The following TENM3 variants were observed in gnomAD, a reference collection of about 807,000 sequenced individuals.
TENM3 encodes teneurin-3.
A neutral mutation model predicts 255.1 loss-of-function variants in TENM3; 63 were observed. That is an observed-to-expected ratio of 0.25 (90% CI 0.20 to 0.30). The LOEUF is 0.30. Among genes scored for constraint, TENM3 ranks in the 10% least tolerant of loss-of-function variants. The pLI is 1.00. For missense variants in TENM3, 2,929 were observed against 3,461.1 expected (o/e 0.85, Z 3.86); for synonymous variants, 1,306 against 1,322.3 (o/e 0.99, Z 0.27).
At chr4:181,519,763 G>T in the TENM3 span, among the ~76,000 whole-genome samples, 1 of 152,102 alleles carries the variant, frequency 6.6e-6, no homozygotes, top group Non-Finnish European at 1.5e-5. Context: ...TGTTCGTGGG[G>T]GCTGGGTGGA....
At chr4:181,718,167 T>C in the TENM3 span, among the ~76,000 whole-genome samples, 5 of 152,176 alleles carry the variant, frequency 3.3e-5, no homozygotes, top group Admixed American at 2.6e-4. Flanking sequence ...TAGTGAGGAG[T>C]ATAAAAGAAT....
At chr4:182,359,470 T>G (rs1167825082) in intron 3 of TENM3, among the ~76,000 whole-genome samples, 14 of 150,946 alleles carry the variant, frequency 9.3e-5, no homozygotes, top group South Asian at 2.1e-4. Flanking sequence ...GTCGAGGAAT[T>G]TATCCATTTT....
intron 3 of TENM3, among the ~76,000 whole-genome samples, chr4:182,439,879 C>A (rs1019848607): frequency 6.6e-6 from 1 of 152,290 alleles, no homozygotes; most frequent in African/African-American, 2.4e-5. Flanking sequence ...ACTGCAGATT[C>A]TCTCCAACTT....
chr4:182,541,036 A>G (rs1454153466), intron 3 of TENM3, among the ~76,000 whole-genome samples: 3 of 152,344 alleles, frequency 2.0e-5, no homozygotes, highest in East Asian at 1.9e-4. Context: ...GGTAGATTCT[A>G]TCACTAATCC....
rs144483102 is a variant in TENM3, at chr4:182,206,082, C to G, written c.-76+61328C>G. Among the ~76,000 whole-genome samples, 462 of 151,760 alleles carry G rather than the reference C, an allele frequency of 3.0e-3. 2 individuals carry two copies. The highest frequency in any genetic ancestry group is 0.011 in the African/African-American group (442 of 41,370). ...AAAAAAAAGAAAGAAATCAGCTAAA[C>G]TAACAGATATAATAGGATGATTGCT... On this transcript the variant is annotated intron_variant, in intron 1 of 2. Coordinates refer to the TENM3 transcript ENST00000512480.
At chr4:181,805,594 CT>C in the TENM3 span, among the ~76,000 whole-genome samples, 1 of 70,380 alleles carries the variant, frequency 1.4e-5, no homozygotes, top group African/African-American at 3.6e-5. Flanking sequence ...CGTGTGTGCA[CT>C]TTTGTGTGTG....
At chr4:182,315,681 C>A (rs950254227) in intron 1 of TENM3, among the ~76,000 whole-genome samples, 9 of 152,002 alleles carry the variant, frequency 5.9e-5, no homozygotes, top group Non-Finnish European at 1.2e-4. Flanking sequence ...ACATTTTTTT[C>A]TGTTCACTTT....
At chr4:181,859,890 A>G in the TENM3 span, among the ~76,000 whole-genome samples, 1 of 152,106 alleles carries the variant, frequency 6.6e-6, no homozygotes. Flanking sequence ...CTTCAAAGCT[A>G]TTATTTGTCA....
the TENM3 span, among the ~76,000 whole-genome samples, chr4:181,615,025 G>T: frequency 6.6e-6 from 1 of 152,162 alleles, no homozygotes; most frequent in Non-Finnish European, 1.5e-5. Flanking sequence ...AGGGGAGAGA[G>T]ACAGGATGTA....
chr4:181,580,240 C>T, the TENM3 span, among the ~76,000 whole-genome samples: 1 of 152,154 alleles, frequency 6.6e-6, no homozygotes, highest in South Asian at 2.1e-4. Context: ...TCAGGTGACC[C>T]ACCAGCCTCG....
the TENM3 span, among the ~76,000 whole-genome samples, chr4:182,006,101 T>C: frequency 6.6e-6 from 1 of 152,180 alleles, no homozygotes; most frequent in Non-Finnish European, 1.5e-5. Flanking sequence ...TCCAAGACTA[T>C]GTTGAGTAGG....
At chr4:182,783,040 AT>A (rs1352879044) in intron 24 of TENM3, among the ~76,000 whole-genome samples, 2 of 149,384 alleles carry the variant, frequency 1.3e-5, no homozygotes, top group African/African-American at 4.9e-5. Context: ...TAATTGGAGC[AT>A]TTAGTCCATT....
intron 1 of TENM3, among the ~76,000 whole-genome samples, chr4:182,232,482 T>G (rs879806336): frequency 6.6e-6 from 1 of 152,162 alleles, no homozygotes; most frequent in Non-Finnish European, 1.5e-5. Context: ...TCCCAGCACT[T>G]GGGGAGGCCA....
At chr4:182,532,077 C>T (rs1739835964) in intron 3 of TENM3, among the ~76,000 whole-genome samples, 1 of 152,140 alleles carries the variant, frequency 6.6e-6, no homozygotes, top group South Asian at 2.1e-4. Context: ...ATCAGAATTT[C>T]TCTGGAATGG....
chr4:182,633,369 T>A (rs958252475), intron 5 of TENM3, among the ~76,000 whole-genome samples: 2 of 152,230 alleles, frequency 1.3e-5, no homozygotes, highest in Non-Finnish European at 2.9e-5. Context: ...TAGACGCTCA[T>A]AGTCAAGTGA....
the TENM3 span, among the ~76,000 whole-genome samples, chr4:181,782,254 C>G: frequency 6.6e-6 from 1 of 151,988 alleles, no homozygotes; most frequent in African/African-American, 2.4e-5. Context: ...TGGCCCTGGA[C>G]TTTTTTTGGT....
intron 13 of TENM3, among the ~76,000 whole-genome samples, chr4:182,714,637 T>C (rs187646248): frequency 2.3e-4 from 35 of 152,230 alleles, no homozygotes; most frequent in Admixed American, 2.1e-3. Flanking sequence ...AAGGCATGGA[T>C]GGAAAAAAAC....
intron 3 of TENM3, among the ~76,000 whole-genome samples, chr4:182,522,586 A>AT (rs1327056389): frequency 6.6e-6 from 1 of 152,002 alleles, no homozygotes; most frequent in Non-Finnish European, 1.5e-5. Context: ...TAAAAAATTT[A>AT]TTTGTTTTAA....
intron 1 of TENM3, among the ~76,000 whole-genome samples, chr4:182,166,714 C>T (rs550790209): frequency 6.6e-6 from 1 of 152,262 alleles, no homozygotes; most frequent in South Asian, 2.1e-4. Context: ...TCACTGCAAC[C>T]TCTGCCTCCC....
Sources: gnomAD v4.1 joint callset for allele counts (sites outside exome capture counted in the v4.1 genomes callset) on GRCh38, gnomAD v4.1.1 for gene constraint, MANE v1.5 for transcripts, NCBI Gene and HGNC (gene_info 2026-07-23, HGNC 2026-07-21) for gene names.